CYRIB: variants seen among roughly 807,000 people sequenced by gnomAD.
CYRIB encodes CYFIP related Rac1 interactor B.
A neutral mutation model predicts 44.2 loss-of-function variants in CYRIB; 8 were observed. That is an observed-to-expected ratio of 0.18 (90% CI 0.11 to 0.33). The LOEUF (loss-of-function observed/expected upper bound fraction) is 0.33, where lower values mean the gene tolerates loss of function less well. Among genes scored for constraint, CYRIB ranks in the 10% least tolerant of loss-of-function variants. CYRIB has a pLI of 1.00. For missense variants in CYRIB, 185 were observed against 382.8 expected (o/e 0.48, Z 4.31); for synonymous variants, 131 against 127.2 (o/e 1.03, Z -0.20).
At chr8:129,881,700 G>A (rs942954501) in intron 2 of CYRIB, among the ~76,000 whole-genome samples, 1 of 152,212 alleles carries the variant, frequency 6.6e-6, no homozygotes, top group Non-Finnish European at 1.5e-5. Flanking sequence ...CCCCAATGGG[G>A]GAGGTGGAGA....
chr8:129,846,881 A>C lies in CYRIB; in HGVS notation c.841-7T>G, dbSNP rs201901394. 6.4e-7 allele frequency: 1 copy of C among 1,569,306 alleles called. No individual in the cohort carries two copies. Among genetic ancestry groups the C allele is most frequent in the African/African-American group, 1.4e-5 (1 of 72,390 alleles). On this transcript the variant is annotated splice_region_variant and splice_polypyrimidine_tract_variant and intron_variant, in intron 10 of 11. Coordinates refer to ENST00000519824, the Ensembl canonical transcript of CYRIB. ...CTTTGATACAACCTTTCATCTAAAG[A>C]AAAAGAAAACAGAAAAGGTAAAACA...
At chr8:129,996,371 G>A (rs1332462431) in intron 1 of CYRIB, among the ~76,000 whole-genome samples, 2 of 152,096 alleles carry the variant, frequency 1.3e-5, no homozygotes, top group African/African-American at 2.4e-5. Flanking sequence ...TGGTTTAGAT[G>A]TGAAAGGGAC....
At chr8:129,910,901 T>TC (rs2077646720) in intron 1 of CYRIB, among the ~76,000 whole-genome samples, 1 of 152,174 alleles carries the variant, frequency 6.6e-6, no homozygotes, top group East Asian at 1.9e-4. Context: ...CAAGGTGTTC[T>TC]CCCTCCTTGG....
rs2066952056 is a variant in CYRIB, at chr8:129,894,547, G to C, written c.-11+8765C>G. On this transcript the variant is annotated intron_variant, in intron 2 of 11. Coordinates refer to ENST00000519824, the Ensembl canonical transcript of CYRIB. Reference sequence around the variant, plus strand: ...ATTTCCCAGACATCTTTGCCAGCTGGGTTCCTGTTAGGAGGAACTGGAGGG... The same window carrying C: ...ATTTCCCAGACATCTTTGCCAGCTGCGTTCCTGTTAGGAGGAACTGGAGGG... The C allele has an allele frequency of 2.0e-5, 3 of 152,266 alleles. No individual in the cohort carries two copies. In the South Asian group the frequency reaches 6.2e-4, roughly 32 times the overall value. The allele number at this position is 152,266 out of a possible 1,614,324, so 9.4% of individuals were successfully genotyped here.
intron 1 of CYRIB, among the ~76,000 whole-genome samples, chr8:129,977,400 A>T (rs1328834792): frequency 1.3e-5 from 2 of 152,074 alleles, no homozygotes; most frequent in African/African-American, 4.8e-5. Context: ...AATAAACTGG[A>T]CTCGACACCC....
chr8:129,924,351 T>G (rs1589940434), intron 1 of CYRIB, among the ~76,000 whole-genome samples: 2 of 114,650 alleles, frequency 1.7e-5, no homozygotes, highest in African/African-American at 6.8e-5. Flanking sequence ...TAATAAGAGG[T>G]CAGTGTCAAT....
chr8:129,862,139 G>A, intron 5 of CYRIB, 90 bp downstream of exon 7: 1 of 903,784 alleles, frequency 1.1e-6, no homozygotes. Context: ...GCCAAATTCA[G>A]CATTATGAAC....
At chr8:129,941,247 G>T (rs2093670627), upstream of CYRIB, among the ~76,000 whole-genome samples, 1 of 149,176 alleles carries the variant, frequency 6.7e-6, no homozygotes, top group Non-Finnish European at 1.5e-5. Flanking sequence ...TTATAATTCT[G>T]GTCAATTTCA....
At chr8:129,895,273 G>A (rs950270414) in intron 2 of CYRIB, among the ~76,000 whole-genome samples, 1 of 151,446 alleles carries the variant, frequency 6.6e-6, no homozygotes, top group Admixed American at 6.6e-5. Flanking sequence ...CTAAAGTGCT[G>A]GGATTACAGG....
At chr8:129,998,333 G>T (rs1174657387) in intron 1 of CYRIB, among the ~76,000 whole-genome samples, 3 of 152,076 alleles carry the variant, frequency 2.0e-5, no homozygotes, top group Admixed American at 6.6e-5. Flanking sequence ...ATATATGGGG[G>T]TCTGGTCTGA....
rs200551548 is a variant in CYRIB, at chr8:129,871,352, G to A, written c.195+23C>T. Reference sequence around the variant, plus strand: ...TGGGACAGTAAGTTTCAGTTAACTAGAAAATACATAAATGCGCTTTACCTC... The same window carrying A: ...TGGGACAGTAAGTTTCAGTTAACTAAAAAATACATAAATGCGCTTTACCTC... On this transcript the variant is annotated intron_variant, in intron 4 of 11. Coordinates refer to ENST00000519824, the Ensembl canonical transcript of CYRIB. 1.8e-3 allele frequency: 2,785 copies of A among 1,589,536 alleles called. 42 individuals are homozygous for A. The Admixed American group carries it at 0.02, about 11-fold the overall frequency.
At chr8:129,848,110 A>G (rs886546465) in intron 10 of CYRIB, among the ~76,000 whole-genome samples, 1 of 152,092 alleles carries the variant, frequency 6.6e-6, no homozygotes, top group Non-Finnish European at 1.5e-5. Flanking sequence ...CCGGCCTACT[A>G]GCAATTCTAT....
At chr8:129,884,871 A>T (rs2062124948) in intron 2 of CYRIB, among the ~76,000 whole-genome samples, 1 of 152,192 alleles carries the variant, frequency 6.6e-6, no homozygotes, top group African/African-American at 2.4e-5. Flanking sequence ...TTTTACTATG[A>T]GCCCTTACAT....
intron 1 of CYRIB, among the ~76,000 whole-genome samples, chr8:130,005,234 G>A (rs938286437): frequency 2.6e-5 from 4 of 152,078 alleles, no homozygotes; most frequent in African/African-American, 9.7e-5. Flanking sequence ...GGTCTTGGGG[G>A]CACGTGTCTG....
rs144369009 is a variant in CYRIB at position 129,966,891 on chromosome 8, C to T, written c.-243+4052G>A. ...TATTTTTTTTGTAGAAACAGGGTTT[C>T]GCCATGTTGCCCAGGCTGGTCTTAA... is the stretch of plus-strand genomic sequence containing the variant. On this transcript the variant is annotated intron_variant, in intron 2 of 14. Transcript: ENST00000401979. Among the ~76,000 whole-genome samples, 1,492 of 152,062 alleles carry T rather than the reference C, an allele frequency of 9.8e-3. 28 individuals carry two copies. Among genetic ancestry groups the T allele is most frequent in the African/African-American group, 0.033 (1,385 of 41,470 alleles).
chr8:129,984,104 G>A (rs1389070042), intron 1 of CYRIB, among the ~76,000 whole-genome samples: 2 of 152,336 alleles, frequency 1.3e-5, no homozygotes, highest in East Asian at 1.9e-4. Context: ...CTGCTGAGCC[G>A]CCAAGGCGGG....
chr8:129,850,653 G>A (rs2042792461), intron 9 of CYRIB, 182 bp downstream of exon 11: 1 of 609,490 alleles, frequency 1.6e-6, no homozygotes, highest in Non-Finnish European at 2.9e-6. Context: ...TACTTAACCA[G>A]AAGTTACGTT....
At chr8:129,973,165 A>G (rs1161454229) in intron 1 of CYRIB, among the ~76,000 whole-genome samples, 1 of 152,192 alleles carries the variant, frequency 6.6e-6, no homozygotes, top group Admixed American at 6.5e-5. Flanking sequence ...CTCTGAAGGA[A>G]AGGGGATGAG....
chr8:130,005,546 T>C (rs2097034787), intron 1 of CYRIB, among the ~76,000 whole-genome samples: 1 of 152,138 alleles, frequency 6.6e-6, no homozygotes, highest in Non-Finnish European at 1.5e-5. Flanking sequence ...TCTTCCACCT[T>C]CGACTGGAAT....
Sources: gnomAD v4.1 joint callset for allele counts (sites outside exome capture counted in the v4.1 genomes callset) on GRCh38, gnomAD v4.1.1 for gene constraint, MANE v1.5 for transcripts, NCBI Gene and HGNC (gene_info 2026-07-23, HGNC 2026-07-21) for gene names.